CNTNAP2: variants seen among roughly 807,000 people sequenced by gnomAD.
CNTNAP2 encodes contactin-associated protein-like 2.
A neutral mutation model predicts 155.2 loss-of-function variants in CNTNAP2; 98 were observed. The ratio of observed to expected loss-of-function variants is 0.63; its 90% CI spans 0.54 to 0.75. The LOEUF (loss-of-function observed/expected upper bound fraction) is 0.75, where lower values mean the gene tolerates loss of function less well. Ranked by LOEUF, CNTNAP2 falls within the 30% of genes least tolerant of loss-of-function variation. The pLI is 0.00. For synonymous variants in CNTNAP2, 651 were observed against 631.2 expected, an observed-to-expected ratio of 1.03 and a Z score of -0.47; for missense variants, 1,727 against 1,688.1, an observed-to-expected ratio of 1.02 and a Z score of -0.40.
chr7:147,115,149 C>G (rs1355817914), intron 5 of CNTNAP2, among the ~76,000 whole-genome samples: 2 of 152,220 alleles, frequency 1.3e-5, no homozygotes, highest in Admixed American at 6.5e-5. Flanking sequence ...CCAATCTCTT[C>G]TAGCTTGTAG....
At position 146,989,285 on chromosome 7, in the gene CNTNAP2, G is replaced by A. The variant is rs996133020; in HGVS notation, c.403-54622G>A. Among the ~76,000 whole-genome samples, 9 of 152,074 alleles carry A rather than the reference G, an allele frequency of 5.9e-5. No homozygotes were observed. The South Asian group carries it at 1.2e-3, about 21-fold the overall frequency. ...CTTACCAAAGCCTAGAGCTGACCTC[G>A]TTAGCAGTTTTAAATCTAGGATGTC... On this transcript the variant is annotated intron_variant, in intron 3 of 23. Transcript: ENST00000361727.
At chr7:148,271,856 G>A (rs943679580) in intron 21 of CNTNAP2, among the ~76,000 whole-genome samples, 2 of 152,148 alleles carry the variant, frequency 1.3e-5, no homozygotes, top group African/African-American at 2.4e-5. Context: ...CAGACATACA[G>A]TATTGAACTT....
intron 1 of CNTNAP2, among the ~76,000 whole-genome samples, chr7:146,415,640 A>AAT (rs1795927397): frequency 2.0e-5 from 2 of 97,972 alleles, no homozygotes; most frequent in African/African-American, 2.2e-4. Context: ...TAATTAAGAC[A>AAT]CTCCACTTTT....
intron 3 of CNTNAP2, among the ~76,000 whole-genome samples, chr7:146,921,454 G>A (rs116528264): frequency 1.3e-5 from 2 of 151,982 alleles, no homozygotes; most frequent in Admixed American, 6.6e-5. Flanking sequence ...GTTCTCATGC[G>A]GCTAACAAAG....
At chr7:147,997,747 T>C (rs2116889419) in intron 15 of CNTNAP2, among the ~76,000 whole-genome samples, 1 of 152,172 alleles carries the variant, frequency 6.6e-6, no homozygotes, top group South Asian at 2.1e-4. Flanking sequence ...ACTCCCCTTA[T>C]GGGAGTCTTA....
intron 13 of CNTNAP2, among the ~76,000 whole-genome samples, chr7:147,838,297 C>T (rs1171076850): frequency 1.3e-5 from 2 of 152,214 alleles, no homozygotes; most frequent in Non-Finnish European, 2.9e-5. Flanking sequence ...AGATCTCTTA[C>T]ATGTCCTGGA....
At chr7:147,610,383 T>C (rs1018467825) in intron 12 of CNTNAP2, among the ~76,000 whole-genome samples, 5 of 152,126 alleles carry the variant, frequency 3.3e-5, no homozygotes, top group African/African-American at 9.7e-5. Flanking sequence ...GGGGCAAAGA[T>C]TTCTTGACAA....
chr7:146,616,599 A>C (rs537932513), intron 1 of CNTNAP2, among the ~76,000 whole-genome samples: 1 of 152,268 alleles, frequency 6.6e-6, no homozygotes, highest in Non-Finnish European at 1.5e-5. Flanking sequence ...TATAGTCAAA[A>C]AAAAGCTGAT....
intron 1 of CNTNAP2, among the ~76,000 whole-genome samples, chr7:146,478,878 T>A (rs1376529231): frequency 6.6e-6 from 1 of 152,180 alleles, no homozygotes; most frequent in East Asian, 1.9e-4. Flanking sequence ...TGTAGTTATA[T>A]AATATGTAAA....
chr7:148,351,389 A>G (rs1798421806), intron 21 of CNTNAP2, among the ~76,000 whole-genome samples: 1 of 152,112 alleles, frequency 6.6e-6, no homozygotes, highest in South Asian at 2.1e-4. Flanking sequence ...GAGTGGGAAC[A>G]GCGAGGACAG....
chr7:146,329,759 C>A (rs1801151060), intron 1 of CNTNAP2, among the ~76,000 whole-genome samples: 1 of 152,072 alleles, frequency 6.6e-6, no homozygotes, highest in Non-Finnish European at 1.5e-5. Flanking sequence ...TCTAGCTGAC[C>A]TCCTTGCCCA....
intron 1 of CNTNAP2, among the ~76,000 whole-genome samples, chr7:146,665,206 C>G (rs950027536): frequency 8.5e-5 from 13 of 152,132 alleles, no homozygotes; most frequent in African/African-American, 3.1e-4. Flanking sequence ...ATCTTGGCCT[C>G]CCAAAATGTT....
At chr7:147,989,516 A>G (rs752687917) in intron 15 of CNTNAP2, among the ~76,000 whole-genome samples, 41 of 152,190 alleles carry the variant, frequency 2.7e-4, no homozygotes, top group Non-Finnish European at 4.9e-4. Context: ...CTGTGGAAAA[A>G]GTGGCAGGCT....
intron 8 of CNTNAP2, among the ~76,000 whole-genome samples, chr7:147,189,554 T>C (rs1424111908): frequency 6.6e-6 from 1 of 152,210 alleles, no homozygotes; most frequent in Non-Finnish European, 1.5e-5. Context: ...ATATTGTTTA[T>C]ATATAAATAA....
chr7:146,201,675 T>TGA (rs1491032639), intron 1 of CNTNAP2, among the ~76,000 whole-genome samples: 15 of 140,664 alleles, frequency 1.1e-4, no homozygotes, highest in African/African-American at 3.1e-4. Flanking sequence ...TGTGTGTGTG[T>TGA]GAATCAGAAA....
chr7:148,149,087 A>T (rs1183969796), intron 17 of CNTNAP2, among the ~76,000 whole-genome samples: 2 of 152,210 alleles, frequency 1.3e-5, no homozygotes, highest in African/African-American at 4.8e-5. Flanking sequence ...GTTAATTCTG[A>T]ACATGCTGGG....
At chr7:147,641,268 G>C (rs1357652751) in intron 13 of CNTNAP2, among the ~76,000 whole-genome samples, 1 of 152,200 alleles carries the variant, frequency 6.6e-6, no homozygotes, top group East Asian at 1.9e-4. Flanking sequence ...TTGTGAAAAT[G>C]TGAGTGCTTT....
chr7:146,356,197 A>G (rs566198498), intron 1 of CNTNAP2, among the ~76,000 whole-genome samples: 2 of 152,230 alleles, frequency 1.3e-5, no homozygotes, highest in African/African-American at 4.8e-5. Flanking sequence ...CAAACCGTAC[A>G]TTGTTGTTTA....
intron 12 of CNTNAP2, among the ~76,000 whole-genome samples, chr7:147,573,623 A>G (rs1031474413): frequency 3.2e-4 from 49 of 152,144 alleles, no homozygotes; most frequent in African/African-American, 1.1e-3. Flanking sequence ...ACATTGTAGA[A>G]TCTGATATCT....
Sources: gnomAD v4.1 joint callset for allele counts (sites outside exome capture counted in the v4.1 genomes callset) on GRCh38, gnomAD v4.1.1 for gene constraint, MANE v1.5 for transcripts, NCBI Gene and HGNC (gene_info 2026-07-23, HGNC 2026-07-21) for gene names.